Variants in SMARCC1 observed in about 807,000 individuals in gnomAD.
The protein encoded by SMARCC1 is SWI/SNF complex subunit SMARCC1.
In SMARCC1, 43 loss-of-function variants were observed where a neutral mutation model predicts 147.4. The ratio of observed to expected loss-of-function variants is 0.29; its 90% CI spans 0.23 to 0.38. The LOEUF (loss-of-function observed/expected upper bound fraction) is 0.38, where lower values mean the gene tolerates loss of function less well. Ranked by LOEUF, SMARCC1 falls within the 10% of genes least tolerant of loss-of-function variation. The pLI is 1.00. For synonymous variants in SMARCC1, 495 were observed against 484.4 expected, an observed-to-expected ratio of 1.02 and a Z score of -0.29; for missense variants, 1,119 against 1,381.1, an observed-to-expected ratio of 0.81 and a Z score of 3.01.
chr3:47,657,596 C>T (rs1436149584), intron 21 of SMARCC1, among the ~76,000 whole-genome samples: 11 of 152,036 alleles, frequency 7.2e-5, no homozygotes, highest in Admixed American at 2.6e-4. Context: ...TCAGGAGTTC[C>T]GAGATGAGCC....
intron 26 of SMARCC1, among the ~76,000 whole-genome samples, chr3:47,607,714 G>C (rs985810665): frequency 6.6e-6 from 1 of 152,028 alleles, no homozygotes; most frequent in Non-Finnish European, 1.5e-5. Flanking sequence ...TAGCCAACTC[G>C]AAACAGTTCT....
intron 2 of SMARCC1, among the ~76,000 whole-genome samples, chr3:47,764,696 G>A (rs770840839): frequency 6.6e-6 from 1 of 152,094 alleles, no homozygotes; most frequent in Non-Finnish European, 1.5e-5. Context: ...CACTGCCCTT[G>A]CACATGAATT....
intron 25 of SMARCC1, chr3:47,610,606 C>T: frequency 4.3e-6 from 2 of 466,044 alleles, no homozygotes; most frequent in South Asian, 4.4e-5. Flanking sequence ...TTTGGGCTCA[C>T]TTGGACACAT....
chr3:47,675,847 A>T (rs1019608491), intron 17 of SMARCC1, among the ~76,000 whole-genome samples: 1 of 151,902 alleles, frequency 6.6e-6, no homozygotes, highest in African/African-American at 2.4e-5. Flanking sequence ...CAGGAGGCTG[A>T]GGCAGTAGAA....
chr3:47,630,927 G>A (rs1027602745), intron 24 of SMARCC1, among the ~76,000 whole-genome samples: 8 of 152,080 alleles, frequency 5.3e-5, no homozygotes, highest in Non-Finnish European at 1.0e-4. Flanking sequence ...GCTGAGTGTG[G>A]TGACACATGT....
At chr3:47,691,529 G>C (rs1259232578) in intron 12 of SMARCC1, among the ~76,000 whole-genome samples, 1 of 152,034 alleles carries the variant, frequency 6.6e-6, no homozygotes, top group African/African-American at 2.4e-5. Flanking sequence ...TAAGAGAATT[G>C]CTTGAACCTG....
intron 24 of SMARCC1, among the ~76,000 whole-genome samples, chr3:47,630,459 C>T (rs1359206444): frequency 6.6e-6 from 1 of 152,120 alleles, no homozygotes; most frequent in African/African-American, 2.4e-5. Flanking sequence ...ATAGGAGAAA[C>T]AACTGGAGAT....
intron 21 of SMARCC1, among the ~76,000 whole-genome samples, chr3:47,646,098 T>A (rs370720647): frequency 6.6e-6 from 1 of 152,034 alleles, no homozygotes; most frequent in Non-Finnish European, 1.5e-5. Flanking sequence ...GGCGTGAGGA[T>A]CACTTGAGCC....
At chr3:47,706,290 T>A (rs532693612) in intron 10 of SMARCC1, 119 bp downstream of exon 10, 64 of 922,928 alleles carry the variant, frequency 6.9e-5, no homozygotes, top group Admixed American at 1.2e-4. Flanking sequence ...CAGGCTGGAT[T>A]TGAACTACTG....
intron 21 of SMARCC1, among the ~76,000 whole-genome samples, chr3:47,655,960 C>T (rs1213628480): frequency 1.3e-5 from 2 of 152,112 alleles, no homozygotes; most frequent in Non-Finnish European, 2.9e-5. Context: ...TGCCTGTAAT[C>T]CCAGCACTTT....
intron 18 of SMARCC1, among the ~76,000 whole-genome samples, chr3:47,673,365 G>T (rs1380016535): frequency 1.6e-5 from 2 of 123,414 alleles, no homozygotes; most frequent in Non-Finnish European, 3.3e-5. Flanking sequence ...CAGCTTGGGC[G>T]ACAGAGCGAG....
At chr3:47,619,971 G>T (rs897678906) in intron 25 of SMARCC1, among the ~76,000 whole-genome samples, 1 of 152,164 alleles carries the variant, frequency 6.6e-6, no homozygotes, top group Non-Finnish European at 1.5e-5. Context: ...AATGCAAGAA[G>T]ATACTTAGGC....
intron 2 of SMARCC1, among the ~76,000 whole-genome samples, chr3:47,749,954 C>T (rs879715604): frequency 6.0e-5 from 9 of 150,366 alleles, no homozygotes; most frequent in African/African-American, 9.8e-5. Context: ...TGGTGGCAGG[C>T]GCCTGTAGTC....
chr3:47,748,739 C>CA (rs1319945644), intron 2 of SMARCC1, among the ~76,000 whole-genome samples: 2 of 152,140 alleles, frequency 1.3e-5, no homozygotes, highest in Admixed American at 6.6e-5. Context: ...TAGAAACACC[C>CA]ATGCATTTTT....
chr3:47,709,512 C>A (rs1029428817), intron 9 of SMARCC1, among the ~76,000 whole-genome samples: 1 of 150,006 alleles, frequency 6.7e-6, no homozygotes, highest in Admixed American at 6.7e-5. Context: ...ATGGTGAAAT[C>A]CCGTTTCTAC....
At chr3:47,723,398 T>C (rs2034259429) in intron 6 of SMARCC1, among the ~76,000 whole-genome samples, 1 of 143,808 alleles carries the variant, frequency 7.0e-6, no homozygotes, top group Non-Finnish European at 1.5e-5. Flanking sequence ...TCTCACTCTG[T>C]TGCCCAGGCT....
At chr3:47,647,567 A>G (rs930976820) in intron 21 of SMARCC1, among the ~76,000 whole-genome samples, 1 of 152,238 alleles carries the variant, frequency 6.6e-6, no homozygotes, top group African/African-American at 2.4e-5. Context: ...TAATCCACAT[A>G]AACTAAAGCA....
intron 2 of SMARCC1, among the ~76,000 whole-genome samples, chr3:47,746,697 T>C (rs1204092517): frequency 1.3e-5 from 2 of 151,536 alleles, no homozygotes; most frequent in African/African-American, 4.8e-5. Context: ...AAGCTAAATA[T>C]AGGCCAGGAG....
intron 7 of SMARCC1, among the ~76,000 whole-genome samples, chr3:47,718,172 C>T (rs1421484834): frequency 2.8e-5 from 4 of 143,112 alleles, no homozygotes; most frequent in Admixed American, 1.4e-4. Context: ...AGGCCAGGCA[C>T]GGTGGCTCAC....
Sources: gnomAD v4.1 joint callset for allele counts (sites outside exome capture counted in the v4.1 genomes callset) on GRCh38, gnomAD v4.1.1 for gene constraint, MANE v1.5 for transcripts, NCBI Gene and HGNC (gene_info 2026-07-23, HGNC 2026-07-21) for gene names.